The following ANKRD16 variants were observed in gnomAD, a reference collection of about 807,000 sequenced individuals.
ANKRD16 encodes ankyrin repeat domain-containing protein 16.
In ANKRD16, 35 loss-of-function variants were observed where a neutral mutation model predicts 37.9. The observed-to-expected ratio is 0.92, with a 90% CI of 0.71 to 1.23. ANKRD16 has a LOEUF of 1.23. ANKRD16 is among the 50% of genes most tolerant of loss of function. The pLI is 0.00. For synonymous variants in ANKRD16, 206 were observed against 197.2 expected (o/e 1.04, Z -0.37); for missense variants, 480 against 469.9 (o/e 1.02, Z -0.20).
At chr10:5,885,438 T>C (rs550886182) in intron 3 of ANKRD16, among the ~76,000 whole-genome samples, 10 of 152,272 alleles carry the variant, frequency 6.6e-5, no homozygotes, top group Non-Finnish European at 1.2e-4. Context: ...CGCCTCGGCC[T>C]CGCAAAGTGC....
Position 5,874,601 on chromosome 10 carries a change from T to C in ANKRD16, c.*33+3496A>G, listed in dbSNP as rs779444845. Among the ~76,000 whole-genome samples, 1 of 152,032 alleles carries C rather than the reference T, an allele frequency of 6.6e-6. No individual in the cohort carries two copies. The highest frequency in any genetic ancestry group is 2.4e-5 in the African/African-American group (1 of 41,374). On this transcript the variant is annotated intron_variant, in intron 7 of 7. Transcript: ENST00000380094. This position sits in a 1 kb window ranked among gnomAD's most constrained non-coding sequence, Gnocchi z 4.7. The stretch of plus-strand genomic sequence containing the variant: ...CTGACCCCCAGCTTTCCAACACAGG[T>C]TGGGTGAGCTGTGATGCCACCAACC...
Position 5,883,168 on chromosome 10 carries a change from C to G in ANKRD16, c.688-1G>C. 3.7e-6 allele frequency: 6 copies of G among 1,613,424 alleles called. No individual in the cohort carries two copies. The highest frequency in any genetic ancestry group is 5.1e-6 in the Non-Finnish European group (6 of 1,179,894). ...GGCTGTCTTCTGCTGAAAGGCAAGC[C>G]TAGTGGGCAGAGGAGAGAAAGGAGC... On this transcript the variant is annotated splice_acceptor_variant, in intron 4 of 7. Coordinates refer to ENST00000380094, the MANE Select transcript of ANKRD16 (RefSeq NM_019046.3). LOFTEE classifies it high-confidence loss of function.
At chr10:5,867,284 C>T (rs1480356374) in intron 7 of ANKRD16, among the ~76,000 whole-genome samples, 1 of 152,212 alleles carries the variant, frequency 6.6e-6, no homozygotes, top group Non-Finnish European at 1.5e-5. Flanking sequence ...CTAGGAGGAA[C>T]TCCTTCAGGA....
chr10:5,879,908 C>T (rs1474528211), intron 6 of ANKRD16, among the ~76,000 whole-genome samples: 2 of 152,050 alleles, frequency 1.3e-5, no homozygotes, highest in Non-Finnish European at 2.9e-5. Context: ...CCTGTAATCC[C>T]AGCACTTTGG....
At chr10:5,880,955 CTAAT>C (rs1483087638) in intron 5 of ANKRD16, 37 of 145,178 alleles carry the variant, frequency 2.5e-4, no homozygotes, top group African/African-American at 9.5e-4. Context: ...CTTTTTTTCC[CTAAT>C]TTATTCTTTT....
chr10:5,881,719 A>C (rs1589022902), intron 5 of ANKRD16, among the ~76,000 whole-genome samples: 16 of 127,844 alleles, frequency 1.3e-4, no homozygotes, highest in East Asian at 2.3e-4. Context: ...ACACAGTCTC[A>C]CTCTGTCGTC....
At chr10:5,887,385 T>TG (rs1479186386) in intron 2 of ANKRD16, among the ~76,000 whole-genome samples, 11 of 151,938 alleles carry the variant, frequency 7.2e-5, no homozygotes, top group South Asian at 6.3e-4. Flanking sequence ...TTTTTTTTTT[T>TG]TTTTGAGATG....
intron 2 of ANKRD16, among the ~76,000 whole-genome samples, chr10:5,886,804 TCAAA>T (rs1282391646): frequency 1.3e-5 from 2 of 152,228 alleles, no homozygotes; most frequent in Non-Finnish European, 2.9e-5. Context: ...TTTACTTTCT[TCAAA>T]CAAATGAGCA....
chr10:5,882,245 G>C (rs1406230642), intron 5 of ANKRD16, among the ~76,000 whole-genome samples: 2 of 151,716 alleles, frequency 1.3e-5, no homozygotes, highest in African/African-American at 4.8e-5. Context: ...AAATGTAATT[G>C]ATCAGAAAAA....
In ANKRD16 at chr10:5,871,461, G is replaced by A. The variant is rs1373999437; in HGVS notation, c.*33+6636C>T. ...CATCACTCTTTCCAACTGAAAGAGT[G>A]TAATTTAAAAAAGTGTAAAAACTGC... On this transcript the variant is annotated intron_variant, in intron 7 of 7. Transcript: ENST00000380094. This position sits in a 1 kb window ranked among gnomAD's most constrained non-coding sequence, Gnocchi z 4.5. 1.3e-5 allele frequency among the ~76,000 whole-genome samples: 2 copies of A among 152,084 alleles called. No individual in the cohort carries two copies. Among genetic ancestry groups the A allele is most frequent in the Non-Finnish European group, 2.9e-5 (2 of 67,994 alleles).
chr10:5,879,716 T>C (rs545865190), intron 6 of ANKRD16, among the ~76,000 whole-genome samples: 102 of 14,904 alleles, frequency 6.8e-3, no homozygotes, highest in African/African-American at 0.014. Flanking sequence ...GCTTTTATGA[T>C]GCATATATTG....
chr10:5,889,388 G>T lies in ANKRD16; in HGVS notation c.-34C>A, dbSNP rs1156894803. 1.0e-5 allele frequency: 12 copies of T among 1,183,512 alleles called. No homozygotes were observed. Among genetic ancestry groups the T allele is most frequent in the Non-Finnish European group, 1.3e-5 (12 of 958,176 alleles). 73.3% of individuals were successfully genotyped at this position (1,183,512 alleles called of 1,614,324 possible). On this transcript the variant is annotated 5_prime_UTR_variant, in exon 1 of 8. Transcript: ENST00000380094. ...GTCGGGCCGGGCTGCGCGGGGAGGCGGCGGGCGGGACACCGGCGGCCGGGC... is the reference window on the plus strand; with the variant it reads ...GTCGGGCCGGGCTGCGCGGGGAGGCTGCGGGCGGGACACCGGCGGCCGGGC...
At position 5,862,637 on chromosome 10, in the gene ANKRD16, T is replaced by G; in HGVS notation, c.*88A>C. The G allele has an allele frequency of 7.8e-7, 1 of 1,289,594 alleles. No individual in the cohort carries two copies. Among genetic ancestry groups the G allele is most frequent in the Non-Finnish European group, 1.0e-6 (1 of 988,870 alleles). The allele number at this position is 1,289,594 out of a possible 1,614,324, so 79.9% of individuals were successfully genotyped here. ...CAGGTTCAGGATGACTGAAGCAAGT[T>G]GCACTTGGCTTTCTCTGAGCCGAAA... On this transcript the variant is annotated 3_prime_UTR_variant, in exon 8 of 8. Transcript: ENST00000380094. The surrounding 1 kb of genome is among the most constrained non-coding windows in gnomAD (Gnocchi z 6.5).
rs547357034 is a variant in ANKRD16, at chr10:5,863,591, C to T, written c.*34-900G>A. 2.0e-5 allele frequency among the ~76,000 whole-genome samples: 3 copies of T among 152,182 alleles called. No individual in the cohort carries two copies. Among genetic ancestry groups the T allele is most frequent in the African/African-American group, 7.2e-5 (3 of 41,506 alleles). On this transcript the variant is annotated intron_variant, in intron 7 of 7. Coordinates refer to ENST00000380094, the MANE Select transcript of ANKRD16 (RefSeq NM_019046.3). This position sits in a 1 kb window ranked among gnomAD's most constrained non-coding sequence, Gnocchi z 4.7. ...ATAAGAGAATAAAAGCTGGCCACCC[C>T]CTGCCAGCAGCAGCAACCCACTTGG... is the stretch of plus-strand genomic sequence containing the variant.
Position 5,862,549 on chromosome 10 carries a change from A to G in ANKRD16, c.*176T>C. ...GTGGCACTGACTTCACCACTGGTAC[A>G]CCTCAGATATACAACTTTGATCTCG... is the stretch of plus-strand genomic sequence containing the variant. On this transcript the variant is annotated 3_prime_UTR_variant, in exon 8 of 8. Transcript: ENST00000380094. The surrounding 1 kb of genome is among the most constrained non-coding windows in gnomAD (Gnocchi z 6.5). 8.1e-7 allele frequency: 1 copy of G among 1,238,792 alleles called. No individual in the cohort carries two copies. Among genetic ancestry groups the G allele is most frequent in the Non-Finnish European group, 1.1e-6 (1 of 944,742 alleles). The allele number at this position is 1,238,792 out of a possible 1,614,324, so 76.7% of individuals were successfully genotyped here. A position where few individuals can be genotyped will look rare whatever the true frequency, so the allele number is the denominator to read the frequency against.
rs746801902 is a variant in ANKRD16, at chr10:5,889,294, C to A, written c.61G>T (p.Ala21Ser). ...GCCGCCTGCAGCTCCTCCTTCAGGG[C>A]GCGCAGCCGGCCCTCCTGCACCAGC... The part of the protein sequence containing the change: ...CRLVQEGRLR[A>S]LKEELQAAGG... Residue 21 changes from alanine to serine, a missense_variant, in exon 1 of 8, where the codon GCC becomes TCC. Physicochemically the swap from Ala to Ser is moderately conservative, Grantham distance 99. Coordinates refer to ENST00000380094, the MANE Select transcript of ANKRD16 (RefSeq NM_019046.3). 8.8e-5 allele frequency: 121 copies of A among 1,381,028 alleles called. No individual in the cohort carries two copies. Among genetic ancestry groups the A allele is most frequent in the Non-Finnish European group, 1.1e-4 (117 of 1,071,218 alleles). The allele number at this position is 1,381,028 out of a possible 1,614,324, so 85.5% of individuals were successfully genotyped here.
chr10:5,875,270 A>G (rs1842166020), intron 7 of ANKRD16, among the ~76,000 whole-genome samples: 1 of 152,214 alleles, frequency 6.6e-6, no homozygotes, highest in Admixed American at 6.5e-5. Flanking sequence ...GGCTTAGCAC[A>G]CTATCTCGCA....
intron 3 of ANKRD16, 108 bp from the exon 4 acceptor site, chr10:5,884,185 G>A: frequency 1.3e-6 from 1 of 780,634 alleles, no homozygotes; most frequent in Non-Finnish European, 2.1e-6. Context: ...CAAATGACCT[G>A]TGAGCATGGA....
chr10:5,868,253 C>A lies in ANKRD16; in HGVS notation c.*34-5562G>T, dbSNP rs1477215825. ...TAACTTCTACTGAGGACCCCTGGAC[C>A]AAACTGCTGGCCCTTTGACTGGCCT... On this transcript the variant is annotated intron_variant, in intron 7 of 7. Coordinates refer to ENST00000380094, the MANE Select transcript of ANKRD16 (RefSeq NM_019046.3). This position sits in a 1 kb window ranked among gnomAD's most constrained non-coding sequence, Gnocchi z 4.9. 6.6e-6 allele frequency among the ~76,000 whole-genome samples: 1 copy of A among 152,202 alleles called. No homozygotes were observed. The highest frequency in any genetic ancestry group is 1.5e-5 in the Non-Finnish European group (1 of 68,044).
Sources: gnomAD v4.1 joint callset for allele counts (sites outside exome capture counted in the v4.1 genomes callset) on GRCh38, gnomAD v4.1.1 for gene constraint, Gnocchi (gnomAD v3.1) non-coding constraint, MANE v1.5 for transcripts, NCBI Gene and HGNC (gene_info 2026-07-23, HGNC 2026-07-21) for gene names.